ZNF548: variants seen among roughly 807,000 people sequenced by gnomAD.
The protein encoded by ZNF548 is zinc finger protein 548.
ZNF548 carries 10 observed loss-of-function variants against 10.2 expected under a neutral mutation model. The observed-to-expected ratio is 0.98, with a 90% confidence interval of 0.60 to 1.66. The LOEUF is 1.66. Ranked by LOEUF, ZNF548 falls within the 40% of genes most tolerant of loss-of-function variation. The pLI, the probability that ZNF548 is intolerant of heterozygous loss-of-function variation, is 0.00. For missense variants in ZNF548, 599 were observed against 657.0 expected (o/e 0.91, Z 0.97); for synonymous variants, 217 against 223.5 (o/e 0.97, Z 0.26).
At chr19:57,393,980 C>A (rs917490554) in intron 1 of ZNF548, 7 of 631,672 alleles carry the variant, frequency 1.1e-5, no homozygotes, top group Admixed American at 8.7e-5. Flanking sequence ...GCTATTCTTG[C>A]AATCTATTTA....
intron 1 of ZNF548, chr19:57,393,950 A>G: frequency 1.7e-6 from 1 of 605,502 alleles, no homozygotes; most frequent in Non-Finnish European, 2.9e-6. Flanking sequence ...TGATACTAAT[A>G]TGAGCCCTGT....
rs1210613971 is a variant in ZNF548 at position 57,399,667 on chromosome 19, C to T, written c.1416C>T (p.His472=). ...ECRECGKAFS[H]KHILVEHQKI... ...GAGAGTGTGGGAAAGCCTTTAGCCA[C>T]AAGCATATACTTGTTGAGCACCAGA... is the stretch of plus-strand genomic sequence containing the variant. Residue 472 remains histidine, a synonymous_variant, in exon 4 of 4, where the codon CAC becomes CAT. Transcript: ENST00000336128. The surrounding 1 kb of genome is among the most constrained non-coding windows in gnomAD (Gnocchi z 4.0). 3.7e-6 allele frequency: 6 copies of T among 1,613,844 alleles called. No individual in the cohort carries two copies. The African/African-American group carries it at 8.0e-5, about 22-fold the overall frequency.
At chr19:57,396,415 A>G (rs1361507874) in intron 2 of ZNF548, among the ~76,000 whole-genome samples, 1 of 152,074 alleles carries the variant, frequency 6.6e-6, no homozygotes, top group Non-Finnish European at 1.5e-5. Flanking sequence ...GAGAAAAGTC[A>G]CTCATGCCAC....
chr19:57,394,501 T>C (rs1457295290), intron 2 of ZNF548, among the ~76,000 whole-genome samples: 1 of 152,182 alleles, frequency 6.6e-6, no homozygotes, highest in East Asian at 1.9e-4. Context: ...GAACTGCAAA[T>C]GTCTGTTACA....
chr19:57,392,966 G>A (rs1255633035), intron 1 of ZNF548: 5 of 985,618 alleles, frequency 5.1e-6, no homozygotes, highest in Non-Finnish European at 6.0e-6. Context: ...TATGGCCTGG[G>A]ATGGAGGCTG....
chr19:57,397,084 TC>T lies in ZNF548; in HGVS notation c.91del (p.Gln31ArgfsTer18). Reference protein sequence around the residue: ...VVFEDVAIYFSQEEWGHLDEA... With the variant: ...VVFEDVAIYFXQEEWGHLDEA... ...CTTTGAGGACGTGGCCATATATTTC[TC>T]CCAGGAGGAGTGGGGGCACCTTGAT... On this transcript the variant is annotated frameshift_variant, in exon 3 of 4. Coordinates refer to ENST00000336128, the MANE Select transcript of ZNF548 (RefSeq NM_001172773.2). LOFTEE classifies it high-confidence loss of function. 1.2e-6 allele frequency: 2 copies of T among 1,613,420 alleles called. No homozygotes were observed. The highest frequency in any genetic ancestry group is 1.7e-6 in the Non-Finnish European group (2 of 1,179,660).
Position 57,395,332 on chromosome 19 carries a change from G to A in ZNF548, c.51+1109G>A, listed in dbSNP as rs184507439. Among the ~76,000 whole-genome samples the A allele has an allele frequency of 4.6e-5, 7 of 152,208 alleles. No individual in the cohort carries two copies. In the East Asian group the frequency reaches 1.4e-3, roughly 29 times the overall value. On this transcript the variant is annotated intron_variant, in intron 2 of 3. Transcript: ENST00000336128. This position sits in a 1 kb window ranked among gnomAD's most constrained non-coding sequence, Gnocchi z 4.8. Reference sequence around the variant, plus strand: ...TGAGGGGGGATAATAGGGTGAGGTCGGAGAGTTGCTAACTATCAGTTGGGA... The same window carrying A: ...TGAGGGGGGATAATAGGGTGAGGTCAGAGAGTTGCTAACTATCAGTTGGGA...
intron 2 of ZNF548, among the ~76,000 whole-genome samples, chr19:57,396,217 C>T (rs1399992273): frequency 2.0e-5 from 3 of 152,092 alleles, no homozygotes; most frequent in African/African-American, 7.2e-5. Context: ...AGGCCCTGGC[C>T]CTGGTAGCTC....
At chr19:57,398,326 A>G (rs1218726266) in intron 3 of ZNF548, 104 bp from the exon 4 acceptor site, 3 of 1,545,570 alleles carry the variant, frequency 1.9e-6, no homozygotes, top group Non-Finnish European at 1.7e-6. Flanking sequence ...GATGTCCCCA[A>G]TCCCATGGCC....
In ZNF548 at chr19:57,394,179, T is replaced by G; in HGVS notation, c.16-9T>G. Reference sequence around the variant, plus strand: ...CTGTCAATTTCTCACGGCCTTTCTCTTCCCTCAGGGTCCCCTGGCGATGGC... The same window carrying G: ...CTGTCAATTTCTCACGGCCTTTCTCGTCCCTCAGGGTCCCCTGGCGATGGC... On this transcript the variant is annotated splice_polypyrimidine_tract_variant and intron_variant, in intron 1 of 3. Transcript: ENST00000336128. The G allele has an allele frequency of 3.7e-6, 6 of 1,602,804 alleles. No individual in the cohort carries two copies. Among genetic ancestry groups the G allele is most frequent in the Non-Finnish European group, 5.1e-6 (6 of 1,179,002 alleles).
rs1600088328 is a variant in ZNF548 at position 57,399,600 on chromosome 19, A to G, written c.1349A>G (p.Lys450Arg). 6.2e-7 allele frequency: 1 copy of G among 1,611,512 alleles called. No homozygotes were observed. ...KFFRYNSNLI[K>R]HWRNHTGERP... ...TTTCGTTACAACTCCAACCTCATTAAACATTGGAGAAATCACACTGGAGAA... is the reference window on the plus strand; with the variant it reads ...TTTCGTTACAACTCCAACCTCATTAGACATTGGAGAAATCACACTGGAGAA... The change falls in exon 4 of 4, where the codon AAA becomes AGA. Residue 450 changes from lysine (K) to arginine (R), a missense_variant. By Grantham distance (26) the Lys-to-Arg change is conservative. Transcript: ENST00000336128. The surrounding 1 kb of genome is among the most constrained non-coding windows in gnomAD (Gnocchi z 4.0).
At position 57,398,889 on chromosome 19, in the gene ZNF548, A is replaced by C; in HGVS notation, c.638A>C (p.Glu213Ala). 1 of 1,614,032 alleles carries C rather than the reference A, an allele frequency of 6.2e-7. No individual in the cohort carries two copies. The highest frequency in any genetic ancestry group is 8.5e-7 in the Non-Finnish European group (1 of 1,179,906). The stretch of plus-strand genomic sequence containing the variant: ...GGACAAAATGATTACAAATGTAGTG[A>C]ATGTGGGAAAACCTTCACCTGCAGC... Reference protein sequence around the residue: ...QTGQNDYKCSECGKTFTCSYS... With the variant: ...QTGQNDYKCSACGKTFTCSYS... The change falls in exon 4 of 4, where the codon GAA (glutamate) becomes GCA (alanine). Residue 213 changes from glutamate (E) to alanine (A), a missense_variant. Physicochemically the swap from Glu to Ala is moderately radical, Grantham distance 107. Coordinates refer to ENST00000336128, the MANE Select transcript of ZNF548 (RefSeq NM_001172773.2).
rs1461876269 is a variant in ZNF548 at position 57,401,622 on chromosome 19, T to C, written c.*1733T>C. On this transcript the variant is annotated 3_prime_UTR_variant, in exon 4 of 4. Coordinates refer to ENST00000336128, the MANE Select transcript of ZNF548 (RefSeq NM_001172773.2). ...TGCATTTTATCTATTTTTACTTCTG[T>C]TACCTGGGCTTTTGATGTTATATAT... 2.0e-5 allele frequency: 3 copies of C among 152,104 alleles called. No individual in the cohort carries two copies. The highest frequency in any genetic ancestry group is 4.4e-5 in the Non-Finnish European group (3 of 68,022). 9.4% of individuals were successfully genotyped at this position (152,104 alleles called of 1,614,324 possible).
intron 3 of ZNF548, 121 bp downstream of exon 3, chr19:57,397,295 G>C: frequency 7.2e-7 from 1 of 1,387,674 alleles, no homozygotes; most frequent in Non-Finnish European, 9.5e-7. Flanking sequence ...CTGTTTCTTG[G>C]CATATATGCT....
Position 57,401,593 on chromosome 19 carries a change from G to A in ZNF548, c.*1704G>A, listed in dbSNP as rs1289095876. The A allele has an allele frequency of 6.6e-6, 1 of 152,062 alleles. No individual in the cohort carries two copies. Among genetic ancestry groups the A allele is most frequent in the Non-Finnish European group, 1.5e-5 (1 of 68,026 alleles). 9.4% of individuals were successfully genotyped at this position (152,062 alleles called of 1,614,324 possible). ...CCCCCACAGACACCAAGGGATGACTGTAGTGCATTTTATCTATTTTTACTT... is the reference window on the plus strand; with the variant it reads ...CCCCCACAGACACCAAGGGATGACTATAGTGCATTTTATCTATTTTTACTT... On this transcript the variant is annotated 3_prime_UTR_variant, in exon 4 of 4. Transcript: ENST00000336128.
At position 57,395,184 on chromosome 19, in the gene ZNF548, C is replaced by T. The variant is rs1004223811; in HGVS notation, c.51+961C>T. Among the ~76,000 whole-genome samples the T allele has an allele frequency of 2.6e-5, 4 of 151,608 alleles. No homozygotes were observed. Among genetic ancestry groups the T allele is most frequent in the Admixed American group, 2.0e-4 (3 of 15,250 alleles). ...CTGGGTCTCTTACTGGGTAGCTGTGCAGTGGTGGAGGAGTCACTAGACAAA... is the reference window on the plus strand; with the variant it reads ...CTGGGTCTCTTACTGGGTAGCTGTGTAGTGGTGGAGGAGTCACTAGACAAA... On this transcript the variant is annotated intron_variant, in intron 2 of 3. Transcript: ENST00000336128. The surrounding 1 kb of genome is among the most constrained non-coding windows in gnomAD (Gnocchi z 4.8).
At chr19:57,394,251 C>A in intron 2 of ZNF548, 28 bp downstream of exon 2, 1 of 1,597,222 alleles carries the variant, frequency 6.3e-7, no homozygotes, top group Middle Eastern at 1.7e-4. Flanking sequence ...TACTATTCAC[C>A]CACCCTGGTT....
chr19:57,395,813 G>A lies in ZNF548; in HGVS notation c.52-1235G>A, dbSNP rs2088660840. The stretch of plus-strand genomic sequence containing the variant: ...GGGCTTGGAATGAGGTTTTGGTGGA[G>A]AGCAATTTTCCTGACTGTTTATGGG... On this transcript the variant is annotated intron_variant, in intron 2 of 3. Transcript: ENST00000336128. The surrounding 1 kb of genome is among the most constrained non-coding windows in gnomAD (Gnocchi z 4.8). 6.6e-6 allele frequency among the ~76,000 whole-genome samples: 1 copy of A among 152,192 alleles called. No homozygotes were observed. Among genetic ancestry groups the A allele is most frequent in the Admixed American group, 6.5e-5 (1 of 15,280 alleles).
chr19:57,399,780 T>C lies in ZNF548; in HGVS notation c.1529T>C (p.Ile510Thr). The C allele has an allele frequency of 6.2e-7, 1 of 1,614,018 alleles. No individual in the cohort carries two copies. The highest frequency in any genetic ancestry group is 8.5e-7 in the Non-Finnish European group (1 of 1,179,942). ...RKSHLVHHQK[I>T]HSEERLVCSM... ...TCTCACCTGGTTCATCACCAGAAAA[T>C]CCACAGTGAAGAGAGGCTTGTGTGC... is the stretch of plus-strand genomic sequence containing the variant. The change falls in exon 4 of 4, where the codon ATC (isoleucine) becomes ACC (threonine). Residue 510 changes from isoleucine to threonine, a missense_variant. Coordinates refer to ENST00000336128, the MANE Select transcript of ZNF548 (RefSeq NM_001172773.2). This position sits in a 1 kb window ranked among gnomAD's most constrained non-coding sequence, Gnocchi z 4.0.
Sources: allele counts gnomAD v4.1 joint callset (sites outside exome capture counted in the v4.1 genomes callset), GRCh38; gene constraint gnomAD v4.1.1; non-coding constraint Gnocchi (gnomAD v3.1); transcripts MANE v1.5; gene names NCBI Gene and HGNC (gene_info 2026-07-23, HGNC 2026-07-21).